CCNC: variants seen among roughly 807,000 people sequenced by gnomAD.
The protein encoded by CCNC is cyclin C, also known as cyclin-C.
CCNC carries 19 observed loss-of-function variants against 50.0 expected under a neutral mutation model. The ratio of observed to expected loss-of-function variants is 0.38; its 90% confidence interval spans 0.27 to 0.56. The LOEUF (loss-of-function observed/expected upper bound fraction) is 0.56. Among genes scored for constraint, CCNC ranks in the 20% least tolerant of loss-of-function variants. CCNC has a pLI of 0.72. For synonymous variants in CCNC, 93 were observed against 103.7 expected (o/e 0.90, Z 0.63); for missense variants, 200 against 327.1 (o/e 0.61, Z 3.00).
chr6:99,559,910 G>T (rs1218916224), intron 4 of CCNC, among the ~76,000 whole-genome samples: 1 of 151,714 alleles, frequency 6.6e-6, no homozygotes, highest in African/African-American at 2.4e-5. Flanking sequence ...AGTAGAGACG[G>T]GGTTTTGCCA....
chr6:99,558,090 T>C (rs1383897145), intron 5 of CCNC: 1 of 207,548 alleles, frequency 4.8e-6, no homozygotes, highest in East Asian at 1.0e-4. Context: ...TATTAACTCA[T>C]TTGGTCCTCA....
intron 5 of CCNC, among the ~76,000 whole-genome samples, chr6:99,552,471 AAAG>A (rs1192342656): frequency 6.6e-6 from 1 of 152,176 alleles, no homozygotes; most frequent in Non-Finnish European, 1.5e-5. Flanking sequence ...AGTTACTCAT[AAAG>A]TAGTAGTAGT....
intron 1 of CCNC, among the ~76,000 whole-genome samples, chr6:99,565,164 C>T (rs1769065515): frequency 6.6e-6 from 1 of 151,970 alleles, no homozygotes; most frequent in African/African-American, 2.4e-5. Flanking sequence ...CACAATTATT[C>T]TAAGACCTAA....
At chr6:99,554,685 A>G (rs973528012) in intron 5 of CCNC, among the ~76,000 whole-genome samples, 4 of 152,110 alleles carry the variant, frequency 2.6e-5, no homozygotes, top group Non-Finnish European at 5.9e-5. Flanking sequence ...TTTGTTTTGA[A>G]TACTTCTTTA....
rs199641011 is a variant in CCNC at position 99,549,490 on chromosome 6, C to T, written c.598+18G>A. On this transcript the variant is annotated intron_variant, in intron 9 of 11. Coordinates refer to ENST00000520429, the MANE Select transcript of CCNC (RefSeq NM_005190.4). Reference sequence around the variant, plus strand: ...TTTATAACAATTTAACTCATAAAGGCACACCATGCTTACATACCTAAAGCT... The same window carrying T: ...TTTATAACAATTTAACTCATAAAGGTACACCATGCTTACATACCTAAAGCT... 36 of 1,558,986 alleles carry T rather than the reference C, an allele frequency of 2.3e-5. No individual in the cohort carries two copies. The Admixed American group carries it at 4.7e-4, about 20-fold the overall frequency.
chr6:99,549,343 T>C, intron 9 of CCNC, 165 bp downstream of exon 9: 1 of 683,894 alleles, frequency 1.5e-6, no homozygotes, highest in Non-Finnish European at 2.6e-6. Context: ...ATAATCCTGA[T>C]TTATGACAGT....
chr6:99,552,188 C>T (rs1355155589), intron 5 of CCNC, among the ~76,000 whole-genome samples: 1 of 152,066 alleles, frequency 6.6e-6, no homozygotes, highest in Non-Finnish European at 1.5e-5. Flanking sequence ...TTTCTAAAAT[C>T]TTTTCAGCTA....
Position 99,549,503 on chromosome 6 carries a change from C to A in CCNC, c.598+5G>T. 1 of 1,594,978 alleles carries A rather than the reference C, an allele frequency of 6.3e-7. No individual in the cohort carries two copies. The highest frequency in any genetic ancestry group is 1.7e-5 in the Admixed American group (1 of 59,884). On this transcript the variant is annotated splice_donor_5th_base_variant and intron_variant, in intron 9 of 11. Transcript: ENST00000520429. Reference sequence around the variant, plus strand: ...AACTCATAAAGGCACACCATGCTTACATACCTAAAGCTATCATGAAAGGAG... The same window carrying A: ...AACTCATAAAGGCACACCATGCTTAAATACCTAAAGCTATCATGAAAGGAG...
intron 10 of CCNC, among the ~76,000 whole-genome samples, chr6:99,545,611 TTC>T (rs1251884682): frequency 6.6e-6 from 1 of 152,224 alleles, no homozygotes; most frequent in Non-Finnish European, 1.5e-5. Flanking sequence ...GATGTTTTGA[TTC>T]TCTGTTACTA....
rs1157799680 is a variant in CCNC, at chr6:99,568,649, C to CGCGGCG, written c.-128_-123dup. 5 of 1,531,192 alleles carry CGCGGCG rather than the reference C, an allele frequency of 3.3e-6. No homozygotes were observed. The highest frequency in any genetic ancestry group is 4.4e-6 in the Non-Finnish European group (5 of 1,140,562). 94.9% of individuals were successfully genotyped at this position (1,531,192 alleles called of 1,614,324 possible). ...AAATCAGCTCGGCTCGACTCCGCTC[C>CGCGGCG]GCGGCGGCGACGGCGAAAGGAAGAG... On this transcript the variant is annotated 5_prime_UTR_variant, in exon 1 of 12. Coordinates refer to ENST00000520429, the MANE Select transcript of CCNC (RefSeq NM_005190.4).
At chr6:99,558,419 TAAA>T in intron 5 of CCNC, 75 bp downstream of exon 5, 9 of 1,238,078 alleles carry the variant, frequency 7.3e-6, no homozygotes, top group East Asian at 2.7e-5. Flanking sequence ...TCTCATAAAC[TAAA>T]AAAAAAAAAA....
At chr6:99,560,759 C>T (rs144237642) in intron 4 of CCNC, among the ~76,000 whole-genome samples, 4 of 152,304 alleles carry the variant, frequency 2.6e-5, no homozygotes, top group South Asian at 4.1e-4. Flanking sequence ...AATTTCTCTA[C>T]GCTCACAACC....
rs1040899021 is a variant in CCNC, at chr6:99,543,467, TTTTCA to T, written c.*83_*87del. On this transcript the variant is annotated 3_prime_UTR_variant, in exon 12 of 12. Transcript: ENST00000520429. ...ATGCTTGACAGAAACAAGCTATTCA[TTTTCA>T]TTTGTGTTCCACTGAAGACATTACT... 2 of 1,404,878 alleles carry T rather than the reference TTTTCA, an allele frequency of 1.4e-6. No individual in the cohort carries two copies. Among genetic ancestry groups the T allele is most frequent in the African/African-American group, 2.8e-5 (2 of 70,530 alleles). The allele number at this position is 1,404,878 out of a possible 1,614,324, so 87.0% of individuals were successfully genotyped here. A position where few individuals can be genotyped will look rare whatever the true frequency, so the allele number is the denominator to read the frequency against.
rs1156236411 is a variant in CCNC at position 99,568,410 on chromosome 6, G to T, written c.32+86C>A. On this transcript the variant is annotated intron_variant, in intron 1 of 11. Transcript: ENST00000520429. ...GACCCCGGCACTCGGAACTGAGCTG[G>T]GATCCAGGCCCAGGGGAGTCACAGG... is the stretch of plus-strand genomic sequence containing the variant. 30 of 1,325,766 alleles carry T rather than the reference G, an allele frequency of 2.3e-5. No homozygotes were observed. The Admixed American group carries it at 5.6e-4, about 25-fold the overall frequency. 82.1% of individuals were successfully genotyped at this position (1,325,766 alleles called of 1,614,324 possible).
intron 5 of CCNC, among the ~76,000 whole-genome samples, chr6:99,555,567 T>C (rs1370592471): frequency 6.6e-6 from 1 of 152,062 alleles, no homozygotes; most frequent in African/African-American, 2.4e-5. Flanking sequence ...CCTAGTTGAG[T>C]AGCTAGGACT....
intron 9 of CCNC, among the ~76,000 whole-genome samples, chr6:99,547,075 ATAAAC>A (rs927969827): frequency 1.3e-5 from 2 of 152,354 alleles, no homozygotes; most frequent in African/African-American, 4.8e-5. Context: ...TATATACAAT[ATAAAC>A]TAACAAAAGA....
Position 99,558,484 on chromosome 6 carries a change from T to G in CCNC, c.346+13A>C. The G allele has an allele frequency of 8.1e-6, 13 of 1,611,440 alleles. No homozygotes were observed. The highest frequency in any genetic ancestry group is 1.1e-5 in the Non-Finnish European group (13 of 1,178,938). On this transcript the variant is annotated intron_variant, in intron 5 of 11. Coordinates refer to ENST00000520429, the MANE Select transcript of CCNC (RefSeq NM_005190.4). ...AATTACATCCTTAAAGCAGATATACTTTTTGCACTTACATACAGAAGTAGC... is the reference window on the plus strand; with the variant it reads ...AATTACATCCTTAAAGCAGATATACGTTTTGCACTTACATACAGAAGTAGC...
In CCNC at chr6:99,560,728, TC is replaced by T. The variant is rs148353042; in HGVS notation, c.294+638del. ...ATTCAGTCTCTGCCGCAAGTTCCTA[TC>T]TATCTTCTCTCCCTTACCTAATTTC... On this transcript the variant is annotated intron_variant, in intron 4 of 11. Coordinates refer to ENST00000520429, the MANE Select transcript of CCNC (RefSeq NM_005190.4). Among the ~76,000 whole-genome samples, 217 of 152,348 alleles carry T rather than the reference TC, an allele frequency of 1.4e-3. 1 individual carries two copies. The highest frequency in any genetic ancestry group is 4.9e-3 in the African/African-American group (203 of 41,584).
intron 2 of CCNC, chr6:99,561,978 AT>A (rs1388471504): frequency 5.6e-6 from 1 of 179,342 alleles, no homozygotes; most frequent in East Asian, 1.4e-4. Flanking sequence ...TATCTTCTAA[AT>A]ATTTTTAATG....
Sources: gnomAD v4.1 joint callset for allele counts (sites outside exome capture counted in the v4.1 genomes callset) on GRCh38, gnomAD v4.1.1 for gene constraint, MANE v1.5 for transcripts, NCBI Gene and HGNC (gene_info 2026-07-23, HGNC 2026-07-21) for gene names.